The following SORCS2 variants were observed in gnomAD, a reference collection of about 807,000 sequenced individuals.
The protein encoded by SORCS2 is VPS10 domain-containing receptor SorCS2.
In SORCS2, 100 loss-of-function variants were observed where a neutral mutation model predicts 141.6. The ratio of observed to expected loss-of-function variants is 0.71; its 90% CI spans 0.60 to 0.83. The LOEUF (loss-of-function observed/expected upper bound fraction) is 0.83. SORCS2 is among the 40% of genes least tolerant of loss of function. The pLI is 0.00. For synonymous variants in SORCS2, 789 were observed against 676.9 expected, an observed-to-expected ratio of 1.17 and a Z score of -2.57; for missense variants, 1,646 against 1,560.2, an observed-to-expected ratio of 1.05 and a Z score of -0.93.
At chr4:7,414,436 G>A (rs1312734842) in intron 2 of SORCS2, among the ~76,000 whole-genome samples, 1 of 152,186 alleles carries the variant, frequency 6.6e-6, no homozygotes, top group Non-Finnish European at 1.5e-5. Context: ...TGGGAGCCGC[G>A]GGGCAATGGC....
rs774114243 is a variant in SORCS2, at chr4:7,638,433, ACT to A, written c.757_758del (p.Leu253AspfsTer5). ...QKQPIPFFVE[T>X]LIFHPKEEDK... ...GCAGCCCATTCCCTTCTTCGTGGAAACTCTGATTTTCCACCCTAAGGAGGAGG... is the reference window on the plus strand; with the variant it reads ...GCAGCCCATTCCCTTCTTCGTGGAAACTGATTTTCCACCCTAAGGAGGAGG... On this transcript the variant is annotated frameshift_variant, in exon 4 of 27. Coordinates refer to ENST00000507866, the MANE Select transcript of SORCS2 (RefSeq NM_020777.3). LOFTEE classifies it high-confidence loss of function. 8.1e-6 allele frequency: 13 copies of A among 1,607,346 alleles called. No homozygotes were observed. Among genetic ancestry groups the A allele is most frequent in the African/African-American group, 1.3e-5 (1 of 74,276 alleles).
At chr4:7,381,792 C>A in intron 1 of SORCS2, 2 of 438,460 alleles carry the variant, frequency 4.6e-6, no homozygotes, top group Non-Finnish European at 6.1e-6. Flanking sequence ...CCCTGGACTG[C>A]AGCCATGTGC....
At chr4:7,543,835 T>C (rs1712977851) in intron 3 of SORCS2, among the ~76,000 whole-genome samples, 2 of 110,804 alleles carry the variant, frequency 1.8e-5, no homozygotes, top group Non-Finnish European at 3.7e-5. Flanking sequence ...CATCTGTCCA[T>C]CCATCCACTC....
intron 2 of SORCS2, among the ~76,000 whole-genome samples, chr4:7,523,679 C>T (rs996640914): frequency 1.3e-5 from 2 of 152,268 alleles, no homozygotes; most frequent in African/African-American, 4.8e-5. Context: ...CCCTGCTGAC[C>T]GGCCCTCAGT....
intron 1 of SORCS2, among the ~76,000 whole-genome samples, chr4:7,272,339 A>G (rs974493068): frequency 6.6e-6 from 1 of 152,250 alleles, no homozygotes; most frequent in Non-Finnish European, 1.5e-5. Context: ...TCTAAGTTGC[A>G]TCATTACTTT....
At chr4:7,545,102 C>T (rs1331145084) in intron 3 of SORCS2, among the ~76,000 whole-genome samples, 1 of 151,372 alleles carries the variant, frequency 6.6e-6, no homozygotes, top group East Asian at 1.9e-4. Flanking sequence ...AAAATTATTC[C>T]CTCTTAAAGT....
intron 2 of SORCS2, among the ~76,000 whole-genome samples, chr4:7,403,959 GTGTATATATATA>G (rs1161657244): frequency 2.3e-4 from 3 of 13,026 alleles, no homozygotes; most frequent in African/African-American, 4.6e-4. Context: ...GCCTCCATGT[GTGTATATATATA>G]TATATATATA....
At chr4:7,649,561 C>T (rs540455381) in intron 4 of SORCS2, among the ~76,000 whole-genome samples, 1 of 152,164 alleles carries the variant, frequency 6.6e-6, no homozygotes, top group African/African-American at 2.4e-5. Context: ...GTGCAGGGTA[C>T]ACAGTTGCAT....
At chr4:7,677,052 T>C (rs1480707002) in intron 9 of SORCS2, among the ~76,000 whole-genome samples, 1 of 151,488 alleles carries the variant, frequency 6.6e-6, no homozygotes, top group Non-Finnish European at 1.5e-5. Context: ...TCACACTCGC[T>C]TGCTTTCACT....
chr4:7,441,072 G>C (rs548983045), intron 2 of SORCS2, among the ~76,000 whole-genome samples: 1 of 152,276 alleles, frequency 6.6e-6, no homozygotes, highest in East Asian at 1.9e-4. Flanking sequence ...TCAGCACTGG[G>C]ATGAAGTGGG....
At chr4:7,407,312 A>G (rs1390900528) in intron 2 of SORCS2, among the ~76,000 whole-genome samples, 1 of 152,070 alleles carries the variant, frequency 6.6e-6, no homozygotes, top group Non-Finnish European at 1.5e-5. Flanking sequence ...ATTTCAGTCT[A>G]TCTCTTCCTT....
rs561816984 is a variant in SORCS2 at position 7,718,138 on chromosome 4, C to G, written c.2379C>G (p.Ala793=). The change falls in exon 18 of 27, where the codon GCC becomes GCG. Residue 793 remains alanine (A), a synonymous_variant. Coordinates refer to ENST00000507866, the MANE Select transcript of SORCS2 (RefSeq NM_020777.3). ...LQVSIQGEAV[A]VRPGEDVLFV... ...TCAGCATTCAAGGCGAGGCGGTGGC[C>G]GTGCGGCCTGGAGAGGACGTCCTGT... is the stretch of plus-strand genomic sequence containing the variant. 2 of 1,611,800 alleles carry G rather than the reference C, an allele frequency of 1.2e-6. No individual in the cohort carries two copies. Among genetic ancestry groups the G allele is most frequent in the Admixed American group, 1.7e-5 (1 of 59,844 alleles).
chr4:7,290,758 T>C (rs1462021226), intron 1 of SORCS2, among the ~76,000 whole-genome samples: 1 of 152,094 alleles, frequency 6.6e-6, no homozygotes, highest in Non-Finnish European at 1.5e-5. Flanking sequence ...TAGCTCTCAG[T>C]TGATTTGTTG....
chr4:7,657,603 GA>G (rs1204785411), intron 5 of SORCS2, among the ~76,000 whole-genome samples: 6 of 151,400 alleles, frequency 4.0e-5, no homozygotes, highest in African/African-American at 1.5e-4. Context: ...GCGGGTGAGT[GA>G]GTGGGTGAGT....
intron 3 of SORCS2, among the ~76,000 whole-genome samples, chr4:7,545,000 AG>A (rs1713134863): frequency 6.6e-6 from 1 of 152,228 alleles, no homozygotes; most frequent in Admixed American, 6.5e-5. Context: ...TCCCCTGTGC[AG>A]GAGAAAAATG....
At chr4:7,598,051 C>T (rs760913717) in intron 3 of SORCS2, among the ~76,000 whole-genome samples, 3 of 151,510 alleles carry the variant, frequency 2.0e-5, no homozygotes, top group Non-Finnish European at 4.4e-5. Flanking sequence ...TCACTGCAAC[C>T]TCTGTCTCCC....
intron 2 of SORCS2, among the ~76,000 whole-genome samples, chr4:7,464,603 G>A (rs947477238): frequency 2.6e-5 from 4 of 152,200 alleles, no homozygotes; most frequent in Non-Finnish European, 5.9e-5. Flanking sequence ...ATCAAGAATG[G>A]ATTATTTTAG....
chr4:7,485,954 G>A (rs990145907), intron 2 of SORCS2, among the ~76,000 whole-genome samples: 8 of 152,182 alleles, frequency 5.3e-5, no homozygotes, highest in South Asian at 2.1e-4. Context: ...TAAACCCAGC[G>A]GGCTGGGGGC....
intron 1 of SORCS2, among the ~76,000 whole-genome samples, chr4:7,292,810 C>T (rs762965039): frequency 9.2e-5 from 14 of 152,292 alleles, no homozygotes; most frequent in Non-Finnish European, 1.8e-4. Context: ...ACAGATTGCA[C>T]GCCTTGCTGT....
Sources: gnomAD v4.1 joint callset for allele counts (sites outside exome capture counted in the v4.1 genomes callset) on GRCh38, gnomAD v4.1.1 for gene constraint, MANE v1.5 for transcripts, NCBI Gene and HGNC (gene_info 2026-07-23, HGNC 2026-07-21) for gene names.